Variants in PZP observed in about 807,000 individuals in gnomAD.
PZP encodes the protein pregnancy zone protein.
Under a neutral mutation model 179.8 loss-of-function variants are expected in PZP, and 150 were observed. The ratio of observed to expected loss-of-function variants is 0.83; its 90% confidence interval spans 0.73 to 0.96. The LOEUF is 0.96. Among genes scored for constraint, PZP ranks in the 40% least tolerant of loss-of-function variants. The pLI, the probability that PZP is intolerant of heterozygous loss-of-function variation, is 0.00. For synonymous variants in PZP, 624 were observed against 652.3 expected, an observed-to-expected ratio of 0.96 and a Z score of 0.66; for missense variants, 1,689 against 1,764.0, an observed-to-expected ratio of 0.96 and a Z score of 0.76.
intron 10 of PZP, among the ~76,000 whole-genome samples, chr12:9,194,869 A>G (rs1269335734): frequency 6.6e-6 from 1 of 152,170 alleles, no homozygotes; most frequent in Non-Finnish European, 1.5e-5. Flanking sequence ...TTTCGCATAG[A>G]CGGAGGCTAG....
chr12:9,153,336 A>C lies in PZP; in HGVS notation c.3782T>G (p.Val1261Gly), dbSNP rs1269348641. ...QGGFSSTQDT[V>G]VALHALSRYG... ...CCTGGACAGGGCATGGAGAGCCACCACTGTGTCCTGGAAGAGACGAGTGGA... is the reference window on the plus strand; with the variant it reads ...CCTGGACAGGGCATGGAGAGCCACCCCTGTGTCCTGGAAGAGACGAGTGGA... Residue 1261 changes from valine to glycine, a missense_variant, in exon 30 of 36, where the codon GTG becomes GGG. Around this residue, in one of 3 missense-constraint regions of PZP, gnomAD observed 746 missense variants for 749.2 expected, o/e 1.00. Transcript: ENST00000261336. The C allele has an allele frequency of 6.2e-7, 1 of 1,613,634 alleles. No homozygotes were observed. The highest frequency in any genetic ancestry group is 8.5e-7 in the Non-Finnish European group (1 of 1,179,772).
chr12:9,157,993 G>T, intron 26 of PZP, 152 bp from the exon 27 acceptor site: 1 of 734,674 alleles, frequency 1.4e-6, no homozygotes, highest in East Asian at 2.7e-5. Flanking sequence ...TTGCTCTGTA[G>T]CTCAGGCTGG....
In PZP at chr12:9,202,594, G is replaced by C. The variant is rs780543648; in HGVS notation, c.358C>G (p.Leu120Val). The stretch of plus-strand genomic sequence containing the variant: ...ACCAGACTTTGGGTGTTCAGTACCA[G>C]AACTGTGTTCCTCTTCCTGAAATCT... ...TQDFRKRNTV[L>V]VLNTQSLVFV... The change falls in exon 3 of 36, where the codon CTG (leucine) becomes GTG (valine). Residue 120 changes from leucine (L) to valine (V), a missense_variant. Leu to Val is a conservative substitution (Grantham distance 32). This residue lies in a region of PZP where 742 missense variants were observed against 730.5 expected (regional missense o/e 1.02). Coordinates refer to ENST00000261336, the MANE Select transcript of PZP (RefSeq NM_002864.3). 7 of 1,614,116 alleles carry C rather than the reference G, an allele frequency of 4.3e-6. No homozygotes were observed. The South Asian group carries it at 6.6e-5, about 15-fold the overall frequency.
chr12:9,164,157 A>G lies in PZP; in HGVS notation c.2590T>C (p.Trp864Arg), dbSNP rs147892806. ...CCCAGAGTTTTAGGAGTCACTGTCC[A>G]AGACAAGGTTTGTCTCTCATTTCCA... ...ICGNERQTLS[W>R]TVTPKTLGNV... Residue 864 changes from tryptophan (W) to arginine (R), a missense_variant, in exon 20 of 36, where the codon TGG (tryptophan) becomes CGG (arginine). Trp to Arg is a moderately radical substitution (Grantham distance 101, BLOSUM62 -3). Transcript: ENST00000261336. 166 of 1,611,566 alleles carry G rather than the reference A, an allele frequency of 1.0e-4. No homozygotes were observed. Among genetic ancestry groups the G allele is most frequent in the South Asian group, 1.8e-4 (16 of 91,018 alleles).
intron 4 of PZP, 62 bp from the exon 5 acceptor site, chr12:9,201,409 C>A: frequency 1.5e-6 from 2 of 1,334,598 alleles, no homozygotes; most frequent in South Asian, 1.3e-5. Flanking sequence ...CAATTTCAGA[C>A]TTGTGATCAA....
intron 13 of PZP, among the ~76,000 whole-genome samples, chr12:9,183,871 A>G (rs1332593795): frequency 6.6e-6 from 1 of 152,224 alleles, no homozygotes; most frequent in Non-Finnish European, 1.5e-5. Context: ...GTTTGGGAAG[A>G]AAGGAAGCTT....
At chr12:9,146,637 C>G (rs967722144), downstream of PZP, among the ~76,000 whole-genome samples, 79 of 140,214 alleles carry the variant, frequency 5.6e-4, no homozygotes, top group Non-Finnish European at 3.3e-5. Flanking sequence ...ACAGACTAGT[C>G]TTGTATAGGA....
At chr12:9,164,391 A>G in intron 19 of PZP, 132 bp from the exon 20 acceptor site, 1 of 971,854 alleles carries the variant, frequency 1.0e-6, no homozygotes, top group South Asian at 1.8e-5. Flanking sequence ...ACATAGATTC[A>G]TCCATGCTTT....
rs200888947 is a variant in PZP at position 9,165,386 on chromosome 12, G to T, written c.2259-19C>A. Reference sequence around the variant, plus strand: ...TGATGAGCTGGGGAGGAGGGCAAGTGAAGAACAGAAATAATGAATGTAAGC... The same window carrying T: ...TGATGAGCTGGGGAGGAGGGCAAGTTAAGAACAGAAATAATGAATGTAAGC... On this transcript the variant is annotated intron_variant, in intron 18 of 35. Transcript: ENST00000261336. 1.9e-4 allele frequency: 314 copies of T among 1,613,260 alleles called. 2 individuals are homozygous for T. Among genetic ancestry groups the T allele is most frequent in the Middle Eastern group, 8.3e-4 (5 of 6,054 alleles).
intron 19 of PZP, 47 bp from the exon 20 acceptor site, chr12:9,164,306 C>A (rs200853332): frequency 3.2e-4 from 501 of 1,582,284 alleles, no homozygotes; most frequent in Non-Finnish European, 4.1e-4. Flanking sequence ...GAATATGGAA[C>A]GACACGAACA....
intron 1 of PZP, among the ~76,000 whole-genome samples, chr12:9,205,220 C>T (rs775177619): frequency 2.6e-5 from 4 of 151,948 alleles, no homozygotes; most frequent in Non-Finnish European, 5.9e-5. Flanking sequence ...TTGTGTAAGC[C>T]TCACATTCTG....
downstream of PZP, among the ~76,000 whole-genome samples, chr12:9,147,920 GT>G (rs796255375): frequency 1.2e-4 from 18 of 149,112 alleles, no homozygotes; most frequent in East Asian, 3.9e-4. Context: ...GAGGTGACCA[GT>G]TTTTTTTTTC....
intron 2 of PZP, among the ~76,000 whole-genome samples, chr12:9,203,372 C>T (rs1276486415): frequency 2.3e-5 from 3 of 132,524 alleles, no homozygotes; most frequent in African/African-American, 5.7e-5. Context: ...GACGGAGTCT[C>T]GCTCTGTCGC....
chr12:9,161,005 C>G lies in PZP; in HGVS notation c.2872+28G>C, dbSNP rs200489460. The G allele has an allele frequency of 1.2e-5, 19 of 1,522,888 alleles. No homozygotes were observed. In the African/African-American group the frequency reaches 2.5e-4, roughly 20 times the overall value. 94.3% of individuals were successfully genotyped at this position (1,522,888 alleles called of 1,614,324 possible). A position where few individuals can be genotyped will look rare whatever the true frequency, so the allele number is the denominator to read the frequency against. ...ATGTACAGTGGCAACTCTTTTGGCC[C>G]AGGTTTACTAAATGGAAGGTGACTC... On this transcript the variant is annotated intron_variant, in intron 23 of 35. Transcript: ENST00000261336.
chr12:9,199,727 G>A (rs2121197399), intron 7 of PZP, among the ~76,000 whole-genome samples: 1 of 152,118 alleles, frequency 6.6e-6, no homozygotes, highest in East Asian at 1.9e-4. Context: ...TAAAATATTA[G>A]AGCAAAAAAA....
intron 19 of PZP, among the ~76,000 whole-genome samples, chr12:9,164,731 A>G (rs1290216823): frequency 3.3e-5 from 5 of 152,246 alleles, no homozygotes; most frequent in Non-Finnish European, 7.3e-5. Context: ...CCACTATTAC[A>G]TAATTTACAA....
rs1465896039 is a variant in PZP, at chr12:9,151,606, G to C, written c.4279C>G (p.Gln1427Glu). Residue 1427 changes from glutamine (Q) to glutamate (E), a missense_variant and splice_region_variant, in exon 33 of 36, where the codon CAG (glutamine) becomes GAG (glutamate). Physicochemically the swap from Gln to Glu is conservative, Grantham distance 29. Transcript: ENST00000261336. ...AGCCAGGATGTCAGAGCCCTCACCT[G>C]TTCCACATAAATGAGGACATGGTTG... ...SNNHVLIYVE[Q>E]VTNQTLSFSF... 6.2e-7 allele frequency: 1 copy of C among 1,613,284 alleles called. No individual in the cohort carries two copies.
chr12:9,202,219 G>A (rs1944203114), intron 4 of PZP, 100 bp downstream of exon 4: 1 of 1,106,696 alleles, frequency 9.0e-7, no homozygotes, highest in Admixed American at 2.0e-5. Context: ...TCAAAAACAA[G>A]TGTCTTTCAT....
intron 13 of PZP, among the ~76,000 whole-genome samples, chr12:9,183,612 G>A (rs1028479488): frequency 6.6e-5 from 10 of 152,098 alleles, no homozygotes; most frequent in Non-Finnish European, 1.0e-4. Flanking sequence ...ATGTAGCCCA[G>A]GCTGGTCCCA....
Sources: allele counts gnomAD v4.1 joint callset (sites outside exome capture counted in the v4.1 genomes callset), GRCh38; gene constraint gnomAD v4.1.1; regional missense constraint gnomAD v4.1.1; transcripts MANE v1.5; gene names NCBI Gene and HGNC (gene_info 2026-07-23, HGNC 2026-07-21).